SYNJ2BP: variants seen among roughly 807,000 people sequenced by gnomAD.
The protein encoded by SYNJ2BP is synaptojanin 2 binding protein, also known as synaptojanin-2-binding protein.
Under a neutral mutation model 16.9 loss-of-function variants are expected in SYNJ2BP, and 10 were observed. That is an observed-to-expected ratio of 0.59 (90% CI 0.36 to 1.00). The LOEUF is 1.00. Among genes scored for constraint, SYNJ2BP ranks in the 50% least tolerant of loss-of-function variants. The pLI, the probability that SYNJ2BP is intolerant of heterozygous loss-of-function variation, is 0.01. For missense variants in SYNJ2BP, 162 were observed against 186.7 expected, an observed-to-expected ratio of 0.87 and a Z score of 0.77; for synonymous variants, 54 against 68.4, an observed-to-expected ratio of 0.79 and a Z score of 1.04.
chr14:70,416,333 T>TTA (rs1888606592), intron 1 of SYNJ2BP, among the ~76,000 whole-genome samples: 1 of 151,076 alleles, frequency 6.6e-6, no homozygotes, highest in African/African-American at 2.4e-5. Context: ...TTTTTTTTTT[T>TTA]TTAAAGCCCT....
In SYNJ2BP at chr14:70,367,674, G is replaced by A. The variant is rs1481794593; in HGVS notation, c.*5317C>T. The stretch of plus-strand genomic sequence containing the variant: ...ATTGCCCTTTTGGATGTGAGTGCTG[G>A]TCTCAAAAAGATTTGCAGTTAAAAG... On this transcript the variant is annotated 3_prime_UTR_variant, in exon 4 of 4. Transcript: ENST00000256366. The A allele has an allele frequency of 6.6e-6, 1 of 151,518 alleles. No individual in the cohort carries two copies. The highest frequency in any genetic ancestry group is 2.4e-5 in the African/African-American group (1 of 41,184). The allele number at this position is 151,518 out of a possible 1,614,324, so 9.4% of individuals were successfully genotyped here.
At chr14:70,409,873 G>C (rs1356060736) in intron 1 of SYNJ2BP, among the ~76,000 whole-genome samples, 1 of 152,088 alleles carries the variant, frequency 6.6e-6, no homozygotes, top group Non-Finnish European at 1.5e-5. Flanking sequence ...CACTGTGGGA[G>C]GCTGAGGTGG....
chr14:70,407,381 G>A (rs186471399), intron 1 of SYNJ2BP, among the ~76,000 whole-genome samples: 69 of 148,764 alleles, frequency 4.6e-4, no homozygotes, highest in African/African-American at 1.7e-3. Flanking sequence ...AGTGAGCCGA[G>A]ATTGTGCCAC....
intron 2 of SYNJ2BP, among the ~76,000 whole-genome samples, chr14:70,377,190 T>C (rs1396851685): frequency 6.6e-6 from 1 of 152,222 alleles, no homozygotes; most frequent in Non-Finnish European, 1.5e-5. Context: ...TTGTAACCTT[T>C]TTAGACTTTA....
rs1365663458 is a variant in SYNJ2BP at position 70,403,393 on chromosome 14, T to C, written c.64+13507A>G. Among the ~76,000 whole-genome samples, 4 of 152,136 alleles carry C rather than the reference T, an allele frequency of 2.6e-5. No individual in the cohort carries two copies. In the East Asian group the frequency reaches 7.7e-4, roughly 29 times the overall value. On this transcript the variant is annotated intron_variant, in intron 1 of 3. Transcript: ENST00000256366. The stretch of plus-strand genomic sequence containing the variant: ...CATCTTGAATAGGAGCTAGGTAAAA[T>C]AAGGTTGCTGGGCTGCATTCCCAGT...
intron 1 of SYNJ2BP, 36 bp downstream of exon 1, chr14:70,416,864 T>TCC: frequency 6.2e-7 from 1 of 1,613,960 alleles, no homozygotes. Context: ...CACCCTCTAA[T>TCC]CCCCTACTGT....
At chr14:70,384,218 T>G (rs41428147) in intron 2 of SYNJ2BP, among the ~76,000 whole-genome samples, 11,576 of 152,262 alleles carry the variant, frequency 0.076, 517 homozygotes, top group Middle Eastern at 0.11. Context: ...AAATCAGCTA[T>G]CTAAAATAGG....
intron 1 of SYNJ2BP, among the ~76,000 whole-genome samples, chr14:70,404,624 T>C (rs1349844495): frequency 6.6e-6 from 1 of 152,208 alleles, no homozygotes; most frequent in Non-Finnish European, 1.5e-5. Flanking sequence ...AAAATTACCT[T>C]ACTTCCTAGG....
intron 1 of SYNJ2BP, among the ~76,000 whole-genome samples, chr14:70,399,236 G>A (rs1445339710): frequency 2.0e-5 from 3 of 152,134 alleles, no homozygotes; most frequent in African/African-American, 7.2e-5. Context: ...ACTGCCCCAG[G>A]CCCACCCTGG....
intron 3 of SYNJ2BP, among the ~76,000 whole-genome samples, chr14:70,375,147 C>G (rs1887598504): frequency 1.3e-5 from 2 of 150,584 alleles, no homozygotes; most frequent in Non-Finnish European, 2.9e-5. Flanking sequence ...TATCTTGAAG[C>G]AAGGACCTTG....
intron 1 of SYNJ2BP, among the ~76,000 whole-genome samples, chr14:70,411,679 C>CTTTTA: frequency 6.6e-6 from 1 of 152,320 alleles, no homozygotes; most frequent in East Asian, 1.9e-4. Context: ...AAAGCCTGTC[C>CTTTTA]ATTCCAGAAG....
At chr14:70,401,792 A>G (rs1453008900) in intron 1 of SYNJ2BP, among the ~76,000 whole-genome samples, 1 of 151,750 alleles carries the variant, frequency 6.6e-6, no homozygotes, top group Non-Finnish European at 1.5e-5. Flanking sequence ...ACAGGAGCAC[A>G]CCACCACACC....
chr14:70,416,129 C>A (rs1231206843), intron 1 of SYNJ2BP, among the ~76,000 whole-genome samples: 1 of 151,934 alleles, frequency 6.6e-6, no homozygotes, highest in African/African-American at 2.4e-5. Context: ...TAAACAAAGT[C>A]GAAAGCAGGC....
chr14:70,389,250 A>G (rs1887928145), intron 1 of SYNJ2BP, among the ~76,000 whole-genome samples: 1 of 152,170 alleles, frequency 6.6e-6, no homozygotes, highest in African/African-American at 2.4e-5. Flanking sequence ...CAATTATCAA[A>G]TGAACTGTTC....
At chr14:70,409,954 TA>T (rs71105712) in intron 1 of SYNJ2BP, among the ~76,000 whole-genome samples, 124,705 of 147,142 alleles carry the variant, frequency 0.85, 52,722 homozygotes, top group East Asian at 0.91. Flanking sequence ...TACAAATAAT[TA>T]AAAAAAAAAA....
At chr14:70,389,866 C>T (rs975910628) in intron 1 of SYNJ2BP, among the ~76,000 whole-genome samples, 9 of 152,176 alleles carry the variant, frequency 5.9e-5, no homozygotes, top group Admixed American at 5.2e-4. Flanking sequence ...CCTTGGAAAC[C>T]ACCATTCTAA....
At chr14:70,397,326 T>A (rs1264921568) in intron 1 of SYNJ2BP, among the ~76,000 whole-genome samples, 1 of 152,190 alleles carries the variant, frequency 6.6e-6, no homozygotes, top group Non-Finnish European at 1.5e-5. Flanking sequence ...ATCCTCTCTT[T>A]CCTTATTGAT....
chr14:70,402,763 T>C (rs1888267939), intron 1 of SYNJ2BP, among the ~76,000 whole-genome samples: 1 of 152,192 alleles, frequency 6.6e-6, no homozygotes, highest in South Asian at 2.1e-4. Flanking sequence ...GGGCTCCACT[T>C]TGAAGTCAGT....
intron 1 of SYNJ2BP, among the ~76,000 whole-genome samples, chr14:70,415,187 T>A (rs933849899): frequency 2.0e-3 from 171 of 86,158 alleles, no homozygotes; most frequent in African/African-American, 6.2e-3. Context: ...AAAAAAAAAA[T>A]ATTAATAATG....
Sources: allele counts gnomAD v4.1 joint callset (sites outside exome capture counted in the v4.1 genomes callset), GRCh38; gene constraint gnomAD v4.1.1; transcripts MANE v1.5; gene names NCBI Gene and HGNC (gene_info 2026-07-23, HGNC 2026-07-21).